Variants in SPHKAP observed in about 807,000 individuals in gnomAD.
SPHKAP encodes the protein A-kinase anchor protein SPHKAP.
In SPHKAP, 67 loss-of-function variants were observed where a neutral mutation model predicts 137.5. The observed-to-expected ratio is 0.49, with a 90% CI of 0.40 to 0.60. The LOEUF is 0.60. Ranked by LOEUF, SPHKAP falls within the 20% of genes least tolerant of loss-of-function variation. SPHKAP has a pLI of 0.00. For synonymous variants in SPHKAP, 813 were observed against 785.3 expected (o/e 1.04, Z -0.59); for missense variants, 2,097 against 2,069.3 (o/e 1.01, Z -0.26).
intron 1 of SPHKAP, among the ~76,000 whole-genome samples, chr2:228,143,685 T>G (rs1699677733): frequency 6.8e-6 from 1 of 146,376 alleles, no homozygotes. Flanking sequence ...TTTTTTTTTT[T>G]GTAGAGATGA....
Position 227,993,537 on chromosome 2 carries a change from A to G in SPHKAP, c.4718T>C (p.Ile1573Thr), listed in dbSNP as rs1247688666. The change falls in exon 9 of 12, where the codon ATT becomes ACT. Residue 1573 changes from isoleucine to threonine, a missense_variant. By Grantham distance (89) the Ile-to-Thr change is moderately conservative. Coordinates refer to ENST00000392056, the MANE Select transcript of SPHKAP (RefSeq NM_001142644.2). ...YQESMPSSPM[I>T]NELVEEKKIL... ...CTGCATCTCAGTGGCTACTTACTTA[A>G]TCATGGGAGAAGATGGCATGCTTTC... 3 of 1,599,796 alleles carry G rather than the reference A, an allele frequency of 1.9e-6. No homozygotes were observed. The highest frequency in any genetic ancestry group is 2.6e-6 in the Non-Finnish European group (3 of 1,173,002).
At chr2:228,151,090 C>A (rs1432479107) in intron 1 of SPHKAP, among the ~76,000 whole-genome samples, 3 of 143,078 alleles carry the variant, frequency 2.1e-5, no homozygotes, top group Admixed American at 7.5e-5. Flanking sequence ...CCGCTCCCCC[C>A]ACCCCACCAC....
At chr2:228,174,914 C>T (rs926878030) in intron 1 of SPHKAP, among the ~76,000 whole-genome samples, 1 of 150,584 alleles carries the variant, frequency 6.6e-6, no homozygotes, top group African/African-American at 2.4e-5. Context: ...AACATGGTAA[C>T]CAGATGAAGA....
chr2:228,077,380 A>G (rs1697219505), intron 3 of SPHKAP, among the ~76,000 whole-genome samples: 1 of 152,194 alleles, frequency 6.6e-6, no homozygotes. Flanking sequence ...CCATGAAAGC[A>G]GCCAGGAGGG....
At chr2:228,039,439 A>AG (rs71412157) in intron 3 of SPHKAP, among the ~76,000 whole-genome samples, 57,461 of 151,836 alleles carry the variant, frequency 0.38, 11,312 homozygotes, top group South Asian at 0.5. Flanking sequence ...GGAAATACAC[A>AG]GTTTTTTTTA....
chr2:228,006,562 G>C (rs1694146163), intron 7 of SPHKAP, among the ~76,000 whole-genome samples: 1 of 152,144 alleles, frequency 6.6e-6, no homozygotes, highest in Admixed American at 6.5e-5. Context: ...TCTCCGTCCA[G>C]CTTTGTTCTG....
chr2:228,116,187 A>C (rs985387581), intron 2 of SPHKAP, among the ~76,000 whole-genome samples: 1 of 152,182 alleles, frequency 6.6e-6, no homozygotes, highest in African/African-American at 2.4e-5. Flanking sequence ...AAAGGAAGTT[A>C]GGGAAAGCTG....
chr2:228,127,915 G>C (rs1699128013), intron 2 of SPHKAP, among the ~76,000 whole-genome samples: 1 of 152,110 alleles, frequency 6.6e-6, no homozygotes, highest in Non-Finnish European at 1.5e-5. Context: ...AACCAAAAAA[G>C]TATGTAGATT....
chr2:228,004,867 T>C, intron 7 of SPHKAP, among the ~76,000 whole-genome samples: 1 of 152,230 alleles, frequency 6.6e-6, no homozygotes, highest in East Asian at 1.9e-4. Flanking sequence ...TTGATTGGTT[T>C]TGAGTGAGTT....
At chr2:228,055,748 T>C (rs73096637) in intron 3 of SPHKAP, among the ~76,000 whole-genome samples, 7,421 of 152,280 alleles carry the variant, frequency 0.049, 615 homozygotes, top group African/African-American at 0.17. Context: ...ATCTAAAATC[T>C]ACTACTCCCA....
In SPHKAP at chr2:228,017,638, G is replaced by A. The variant is rs746620324; in HGVS notation, c.3216C>T (p.Gly1072=). Residue 1072 remains glycine, a synonymous_variant, in exon 7 of 12, where the codon GGC becomes GGT. Coordinates refer to ENST00000392056, the MANE Select transcript of SPHKAP (RefSeq NM_001142644.2). ...QGYPRNRLLS[G]DRWSRLKASS... The stretch of plus-strand genomic sequence containing the variant: ...AGGCCTTCAGCCGGCTCCACCTGTC[G>A]CCACTCAGTAACCGATTCCGGGGAT... 5 of 1,613,882 alleles carry A rather than the reference G, an allele frequency of 3.1e-6. No individual in the cohort carries two copies. Among genetic ancestry groups the A allele is most frequent in the Middle Eastern group, 1.6e-4 (1 of 6,062 alleles).
At chr2:228,053,422 CTGTT>C (rs1696329004) in intron 3 of SPHKAP, among the ~76,000 whole-genome samples, 1 of 152,154 alleles carries the variant, frequency 6.6e-6, no homozygotes, top group African/African-American at 2.4e-5. Flanking sequence ...TGCAACAAAT[CTGTT>C]TGTCCAGAGA....
chr2:228,106,464 A>G (rs2106344800), intron 3 of SPHKAP, among the ~76,000 whole-genome samples: 1 of 152,298 alleles, frequency 6.6e-6, no homozygotes, highest in South Asian at 2.1e-4. Context: ...TTCTCTTGTG[A>G]TTATATGTAA....
Position 227,995,614 on chromosome 2 carries a change from G to C in SPHKAP, c.4529C>G (p.Pro1510Arg). The C allele has an allele frequency of 6.2e-7, 1 of 1,613,994 alleles. No individual in the cohort carries two copies. Among genetic ancestry groups the C allele is most frequent in the Non-Finnish European group, 8.5e-7 (1 of 1,179,962 alleles). Reference sequence around the variant, plus strand: ...GCCTGTGCTCTCCTCGCTGCTGCTTGGAGGGTTGGGGGCCTCATCGGGGGC... The same window carrying C: ...GCCTGTGCTCTCCTCGCTGCTGCTTCGAGGGTTGGGGGCCTCATCGGGGGC... Reference protein sequence around the residue: ...ARAPDEAPNPPSSSEESTGSW... With the variant: ...ARAPDEAPNPRSSSEESTGSW... Residue 1510 changes from proline (P) to arginine (R), a missense_variant, in exon 8 of 12, where the codon CCA becomes CGA. Pro to Arg is a moderately radical substitution (Grantham distance 103). Coordinates refer to ENST00000392056, the MANE Select transcript of SPHKAP (RefSeq NM_001142644.2).
At chr2:228,100,954 T>C (rs114245409) in intron 3 of SPHKAP, among the ~76,000 whole-genome samples, 45 of 152,268 alleles carry the variant, frequency 3.0e-4, no homozygotes, top group African/African-American at 1.0e-3. Flanking sequence ...TCTGAGAGAA[T>C]GGCCAAGCAC....
At chr2:228,166,855 TA>T (rs1265626822) in intron 1 of SPHKAP, among the ~76,000 whole-genome samples, 1 of 152,124 alleles carries the variant, frequency 6.6e-6, no homozygotes, top group African/African-American at 2.4e-5. Context: ...ACAGGAAGCA[TA>T]GAACTGGCAT....
At chr2:228,073,477 C>A (rs1203206687) in intron 3 of SPHKAP, among the ~76,000 whole-genome samples, 4 of 152,140 alleles carry the variant, frequency 2.6e-5, no homozygotes, top group African/African-American at 7.2e-5. Flanking sequence ...AGGAATCTTT[C>A]CACCTCTGAT....
At chr2:228,106,769 T>C (rs970086038) in intron 3 of SPHKAP, among the ~76,000 whole-genome samples, 3 of 152,112 alleles carry the variant, frequency 2.0e-5, no homozygotes, top group Non-Finnish European at 4.4e-5. Context: ...ACTCTGGACA[T>C]CAAAGTTTCT....
chr2:228,071,254 T>G (rs985546519), intron 3 of SPHKAP, among the ~76,000 whole-genome samples: 2 of 152,228 alleles, frequency 1.3e-5, no homozygotes, highest in African/African-American at 2.4e-5. Context: ...TTTTCCTTAC[T>G]AATAAATATC....
Sources: gnomAD v4.1 joint callset for allele counts (sites outside exome capture counted in the v4.1 genomes callset) on GRCh38, gnomAD v4.1.1 for gene constraint, MANE v1.5 for transcripts, NCBI Gene and HGNC (gene_info 2026-07-23, HGNC 2026-07-21) for gene names.